DPP10: variants seen among roughly 807,000 people sequenced by gnomAD.
DPP10 encodes the protein inactive dipeptidyl peptidase 10.
Under a neutral mutation model 120.9 loss-of-function variants are expected in DPP10, and 33 were observed. The ratio of observed to expected loss-of-function variants is 0.27; its 90% confidence interval spans 0.21 to 0.37. DPP10 has a LOEUF of 0.37. DPP10 is among the 10% of genes least tolerant of loss of function. The probability of loss-of-function intolerance (pLI) is 1.00; values close to 1 mark genes in which losing one functional copy is unlikely to be tolerated. For synonymous variants in DPP10, 337 were observed against 326.1 expected (o/e 1.03, Z -0.36); for missense variants, 816 against 942.8 (o/e 0.87, Z 1.76).
intron 1 of DPP10, among the ~76,000 whole-genome samples, chr2:115,148,461 T>A (rs1345132859): frequency 5.3e-5 from 8 of 152,170 alleles, no homozygotes; most frequent in Non-Finnish European, 1.2e-4. Flanking sequence ...AGTGTCTGCA[T>A]TCTGCTTTCA....
chr2:114,903,162 T>C (rs972618954), intron 1 of DPP10, among the ~76,000 whole-genome samples: 1 of 152,164 alleles, frequency 6.6e-6, no homozygotes, highest in Non-Finnish European at 1.5e-5. Flanking sequence ...TAATATTCTA[T>C]TGTCTGATGT....
intron 1 of DPP10, among the ~76,000 whole-genome samples, chr2:114,532,322 C>T (rs1372184123): frequency 7.1e-6 from 1 of 140,946 alleles, no homozygotes; most frequent in African/African-American, 2.7e-5. Context: ...CACACAGATA[C>T]ACACCATATA....
chr2:114,528,496 G>A (rs1201965316), intron 1 of DPP10, among the ~76,000 whole-genome samples: 1 of 151,898 alleles, frequency 6.6e-6, no homozygotes, highest in East Asian at 1.9e-4. Context: ...GAGGGTCAAG[G>A]CAGGGACTGC....
intron 2 of DPP10, among the ~76,000 whole-genome samples, chr2:115,338,504 A>C (rs1472313394): frequency 6.6e-6 from 1 of 152,042 alleles, no homozygotes; most frequent in African/African-American, 2.4e-5. Flanking sequence ...GCTGGAGTGA[A>C]GTGGCGCAGT....
At position 115,842,468 on chromosome 2, in the gene DPP10, C is replaced by T; in HGVS notation, c.*123C>T. On this transcript the variant is annotated 3_prime_UTR_variant, in exon 26 of 26. Coordinates refer to ENST00000410059, the MANE Select transcript of DPP10 (RefSeq NM_020868.6). ...GCTTACGGAGATGTCACTGGAGCAG[C>T]ACGCTCAGAGACAGTGAACTAGCAT... 1 of 1,185,644 alleles carries T rather than the reference C, an allele frequency of 8.4e-7. No individual in the cohort carries two copies. Among genetic ancestry groups the T allele is most frequent in the Non-Finnish European group, 1.2e-6 (1 of 863,096 alleles). The allele number at this position is 1,185,644 out of a possible 1,614,324, so 73.4% of individuals were successfully genotyped here.
chr2:115,809,190 A>G (rs1686356007), intron 19 of DPP10, among the ~76,000 whole-genome samples: 1 of 152,182 alleles, frequency 6.6e-6, no homozygotes, highest in African/African-American at 2.4e-5. Flanking sequence ...TATGAGAAGA[A>G]ATTTAAAAAT....
chr2:114,918,709 C>T (rs1320119067), intron 1 of DPP10, among the ~76,000 whole-genome samples: 2 of 152,150 alleles, frequency 1.3e-5, no homozygotes, highest in Non-Finnish European at 2.9e-5. Context: ...AAACCAAATA[C>T]TGCATGTTCT....
chr2:114,972,160 C>G (rs1699443116), intron 1 of DPP10, among the ~76,000 whole-genome samples: 1 of 152,166 alleles, frequency 6.6e-6, no homozygotes, highest in South Asian at 2.1e-4. Flanking sequence ...CCTAGAGGGT[C>G]AGCAGCTGTG....
intron 1 of DPP10, among the ~76,000 whole-genome samples, chr2:114,856,724 T>C (rs1689398798): frequency 6.6e-6 from 1 of 152,154 alleles, no homozygotes; most frequent in South Asian, 2.1e-4. Context: ...TGACTACCTC[T>C]GAGTTGGAAG....
chr2:115,655,302 A>C (rs1575449047), intron 5 of DPP10, among the ~76,000 whole-genome samples: 1 of 151,864 alleles, frequency 6.6e-6, no homozygotes, highest in South Asian at 2.1e-4. Flanking sequence ...TTGGGGAAAA[A>C]AAATCATAGT....
chr2:114,933,843 C>T (rs544507671), intron 1 of DPP10, among the ~76,000 whole-genome samples: 27 of 152,100 alleles, frequency 1.8e-4, no homozygotes, highest in Non-Finnish European at 2.9e-4. Flanking sequence ...GAATTTTCAC[C>T]GCAATAATTC....
At chr2:115,118,864 C>T (rs2049673608) in intron 1 of DPP10, among the ~76,000 whole-genome samples, 1 of 151,974 alleles carries the variant, frequency 6.6e-6, no homozygotes. Flanking sequence ...ATCCACCCAC[C>T]TCGGCCTCTC....
intron 5 of DPP10, among the ~76,000 whole-genome samples, chr2:115,663,371 C>T (rs987236119): frequency 2.0e-5 from 3 of 152,150 alleles, no homozygotes; most frequent in Non-Finnish European, 4.4e-5. Flanking sequence ...GTGCCTAATG[C>T]ATATGCATTC....
intron 5 of DPP10, among the ~76,000 whole-genome samples, chr2:115,565,740 G>C (rs2080960974): frequency 7.3e-6 from 1 of 137,826 alleles, no homozygotes; most frequent in Middle Eastern, 3.7e-3. Flanking sequence ...ATTAGGTAGA[G>C]GTTATGGGTT....
At chr2:114,445,534 CTGTG>C (rs145248880) in intron 1 of DPP10, among the ~76,000 whole-genome samples, 12,924 of 143,462 alleles carry the variant, frequency 0.09, 589 homozygotes, top group African/African-American at 0.1. Context: ...AAAAACAGCT[CTGTG>C]TGTGTGTGTG....
intron 4 of DPP10, among the ~76,000 whole-genome samples, chr2:115,512,902 T>C (rs1054144037): frequency 2.0e-5 from 3 of 152,098 alleles, no homozygotes; most frequent in African/African-American, 4.8e-5. Context: ...CTTTTTGCTT[T>C]AGAATGTTGT....
intron 3 of DPP10, among the ~76,000 whole-genome samples, chr2:115,365,177 A>C (rs886431801): frequency 6.6e-6 from 1 of 152,082 alleles, no homozygotes; most frequent in Non-Finnish European, 1.5e-5. Flanking sequence ...AGCAAACCAA[A>C]TTCCTGGAAC....
intron 1 of DPP10, among the ~76,000 whole-genome samples, chr2:114,571,161 C>G (rs921064918): frequency 2.0e-5 from 3 of 152,112 alleles, no homozygotes; most frequent in African/African-American, 7.2e-5. Flanking sequence ...ATCTCCAGTG[C>G]TGGAGACGGG....
At chr2:115,017,307 C>T (rs1573319447) in intron 1 of DPP10, among the ~76,000 whole-genome samples, 1 of 151,788 alleles carries the variant, frequency 6.6e-6, no homozygotes, top group Non-Finnish European at 1.5e-5. Context: ...AATGAGATAC[C>T]ATCTCATCCC....
Sources: allele counts gnomAD v4.1 joint callset (sites outside exome capture counted in the v4.1 genomes callset), GRCh38; gene constraint gnomAD v4.1.1; transcripts MANE v1.5; gene names NCBI Gene and HGNC (gene_info 2026-07-23, HGNC 2026-07-21).